The following OPHN1 variants were observed in gnomAD, a reference collection of about 807,000 sequenced individuals.
The protein encoded by OPHN1 is oligophrenin-1.
A neutral mutation model predicts 60.7 loss-of-function variants in OPHN1; 11 were observed. That is an observed-to-expected ratio of 0.18 (90% CI 0.11 to 0.30). The LOEUF is 0.30. OPHN1 is among the 10% of genes least tolerant of loss of function. OPHN1 has a pLI of 1.00. For missense variants in OPHN1, 449 were observed against 611.0 expected, an observed-to-expected ratio of 0.73 and a Z score of 2.80; for synonymous variants, 226 against 222.6, an observed-to-expected ratio of 1.02 and a Z score of -0.14.
At chrX:68,388,093 G>T (rs2078633736) in intron 2 of OPHN1, among the ~76,000 whole-genome samples, 1 of 105,749 alleles carries the variant, frequency 9.5e-6, no homozygotes, top group Non-Finnish European at 1.9e-5. Context: ...AGATATATAT[G>T]GGAATAAATA....
rs768921749 is a variant in OPHN1 at position 68,112,841 on chromosome X, G to A, written c.1420+340C>T. On this transcript the variant is annotated intron_variant, in intron 17 of 24. Transcript: ENST00000355520. The stretch of plus-strand genomic sequence containing the variant: ...GAAGGAAGTTGAAACGGCAACTGTC[G>A]TGTAACCATTTTTCTGTCCCCTGGT... Among the ~76,000 whole-genome samples, 58 of 112,134 alleles carry A rather than the reference G, an allele frequency of 5.2e-4. No individual in the cohort carries two copies. In the South Asian group the frequency reaches 0.02, roughly 39 times the overall value.
intron 15 of OPHN1, among the ~76,000 whole-genome samples, chrX:68,157,971 C>A (rs773720721): frequency 5.4e-5 from 6 of 110,803 alleles, no homozygotes; most frequent in Admixed American, 1.9e-4. Context: ...TTCTTTGAGA[C>A]GGAGTCTCGC....
At chrX:68,351,693 T>C (rs924103928) in intron 2 of OPHN1, among the ~76,000 whole-genome samples, 2 of 110,058 alleles carry the variant, frequency 1.8e-5, no homozygotes, top group Admixed American at 9.8e-5. Flanking sequence ...TCTGGTTTTT[T>C]GTTGTTGTTG....
At chrX:68,217,251 T>C (rs1429520695) in intron 6 of OPHN1, among the ~76,000 whole-genome samples, 1 of 112,109 alleles carries the variant, frequency 8.9e-6, no homozygotes, top group Non-Finnish European at 1.9e-5. Flanking sequence ...CACGAGATTA[T>C]ATCCCGCACC....
intron 15 of OPHN1, among the ~76,000 whole-genome samples, chrX:68,125,196 A>G (rs1490934995): frequency 8.9e-6 from 1 of 111,739 alleles, no homozygotes; most frequent in African/African-American, 3.3e-5. Context: ...CAGTAAAAGC[A>G]GTACTAAGAT....
At chrX:68,267,493 G>A (rs914273553) in intron 5 of OPHN1, among the ~76,000 whole-genome samples, 5 of 111,625 alleles carry the variant, frequency 4.5e-5, no homozygotes, top group South Asian at 7.5e-4. Context: ...GAACAAAGAC[G>A]CAACATACCA....
intron 15 of OPHN1, among the ~76,000 whole-genome samples, chrX:68,139,672 A>T (rs2077234365): frequency 8.9e-6 from 1 of 112,423 alleles, no homozygotes; most frequent in Admixed American, 9.4e-5. Flanking sequence ...TACCTTTTGT[A>T]CTTTTTAAAT....
At chrX:68,187,563 A>C (rs933490884) in intron 15 of OPHN1, among the ~76,000 whole-genome samples, 2 of 110,250 alleles carry the variant, frequency 1.8e-5, no homozygotes, top group Admixed American at 9.6e-5. Flanking sequence ...CAGAAGAATG[A>C]TTTTAGGCTA....
At chrX:68,410,410 A>G (rs1014582583) in intron 2 of OPHN1, among the ~76,000 whole-genome samples, 2 of 110,801 alleles carry the variant, frequency 1.8e-5, no homozygotes, top group Non-Finnish European at 3.8e-5. Flanking sequence ...AAACAACAAC[A>G]AAAAAGGCCA....
chrX:68,320,524 A>G (rs983918879), intron 2 of OPHN1, among the ~76,000 whole-genome samples: 2 of 110,354 alleles, frequency 1.8e-5, no homozygotes, highest in South Asian at 7.9e-4. Context: ...ACACTTTGAC[A>G]GTTTCTATGA....
intron 19 of OPHN1, among the ~76,000 whole-genome samples, chrX:68,088,021 C>A (rs2077001920): frequency 9.0e-6 from 1 of 111,602 alleles, no homozygotes; most frequent in Admixed American, 9.5e-5. Flanking sequence ...TTGGTCTCAG[C>A]AACACATAGT....
At chrX:68,317,787 G>A (rs2078216457) in intron 2 of OPHN1, among the ~76,000 whole-genome samples, 1 of 111,013 alleles carries the variant, frequency 9.0e-6, no homozygotes, top group African/African-American at 3.3e-5. Context: ...CAAACACATG[G>A]AAACTAACAC....
chrX:68,217,620 C>A (rs2077620472), intron 6 of OPHN1, among the ~76,000 whole-genome samples: 1 of 110,177 alleles, frequency 9.1e-6, no homozygotes, highest in South Asian at 4.0e-4. Flanking sequence ...GGTCCCTGAC[C>A]CCTGACCCCC....
chrX:68,151,905 C>T (rs2077286635), intron 15 of OPHN1, among the ~76,000 whole-genome samples: 1 of 111,459 alleles, frequency 9.0e-6, no homozygotes, highest in Admixed American at 9.6e-5. Flanking sequence ...GCATCTGCTT[C>T]TGGGGAGGCC....
intron 2 of OPHN1, among the ~76,000 whole-genome samples, chrX:68,389,682 C>G (rs1399931292): frequency 1.1e-5 from 1 of 90,320 alleles, no homozygotes; most frequent in African/African-American, 3.7e-5. Context: ...CCATAAAAAT[C>G]AGCATGTACA....
chrX:68,217,082 G>A (rs966557223), intron 6 of OPHN1, among the ~76,000 whole-genome samples: 6 of 111,784 alleles, frequency 5.4e-5, no homozygotes, highest in East Asian at 2.9e-4. Context: ...CACCGTGCGC[G>A]AGCCGAAGCA....
At chrX:68,112,061 GCA>G (rs56107322) in intron 17 of OPHN1, 102 bp from the exon 18 acceptor site, 758 of 386,647 alleles carry the variant, frequency 2.0e-3, no homozygotes, top group Middle Eastern at 4.5e-3. Flanking sequence ...ATGCACACAT[GCA>G]CACACACACA....
At chrX:68,341,920 A>G (rs1425440919) in intron 2 of OPHN1, among the ~76,000 whole-genome samples, 1 of 109,066 alleles carries the variant, frequency 9.2e-6, no homozygotes, top group Admixed American at 9.9e-5. Context: ...AAAAATTTGC[A>G]TATTTATTCT....
chrX:68,246,679 G>A lies in OPHN1; in HGVS notation c.385-12091C>T, dbSNP rs768960515. Among the ~76,000 whole-genome samples, 22 of 111,302 alleles carry A rather than the reference G, an allele frequency of 2.0e-4. No homozygotes were observed. In the South Asian group the frequency reaches 6.9e-3, roughly 35 times the overall value. On this transcript the variant is annotated intron_variant, in intron 5 of 24. Transcript: ENST00000355520. ...CTAGCATTGAAATAGGCGAAAATGGGTGCTCAAGATACACTTGCTAAATTA... is the reference window on the plus strand; with the variant it reads ...CTAGCATTGAAATAGGCGAAAATGGATGCTCAAGATACACTTGCTAAATTA...
Sources: allele counts gnomAD v4.1 joint callset (sites outside exome capture counted in the v4.1 genomes callset), GRCh38; gene constraint gnomAD v4.1.1; transcripts MANE v1.5; gene names NCBI Gene and HGNC (gene_info 2026-07-23, HGNC 2026-07-21).